The following CSMD1 variants were observed in gnomAD, a reference collection of about 807,000 sequenced individuals.
The protein encoded by CSMD1 is CUB and sushi domain-containing protein 1.
Under a neutral mutation model 417.5 loss-of-function variants are expected in CSMD1, and 213 were observed. The ratio of observed to expected loss-of-function variants is 0.51; its 90% CI spans 0.46 to 0.57. The LOEUF (loss-of-function observed/expected upper bound fraction) is 0.57. Among genes scored for constraint, CSMD1 ranks in the 20% least tolerant of loss-of-function variants. The pLI, the probability that CSMD1 is intolerant of heterozygous loss-of-function variation, is 0.00. For missense variants in CSMD1, 6,923 were observed against 4,529.7 expected, an observed-to-expected ratio of 1.53 and a Z score of -15.17; for synonymous variants, 2,862 against 1,736.8, an observed-to-expected ratio of 1.65 and a Z score of -16.11.
intron 39 of CSMD1, among the ~76,000 whole-genome samples, chr8:3,157,234 G>C (rs898026438): frequency 6.6e-6 from 1 of 152,096 alleles, no homozygotes; most frequent in Non-Finnish European, 1.5e-5. Flanking sequence ...GGGCCTGAAT[G>C]ATGGGGAGCA....
In CSMD1 at chr8:4,159,913, A is replaced by T. The variant is rs1309235181; in HGVS notation, c.416-127814T>A. 2.0e-5 allele frequency among the ~76,000 whole-genome samples: 3 copies of T among 152,086 alleles called. No individual in the cohort carries two copies. In the East Asian group the frequency reaches 5.8e-4, roughly 29 times the overall value. On this transcript the variant is annotated intron_variant, in intron 3 of 69. Transcript: ENST00000635120. ...ATGAGGATGCAAAGGCTTAAGAATG[A>T]TATAAAAAACTTTCGGGCCTTGAGG...
intron 3 of CSMD1, among the ~76,000 whole-genome samples, chr8:4,070,555 C>CA (rs1799496835): frequency 6.6e-6 from 1 of 152,114 alleles, no homozygotes; most frequent in South Asian, 2.1e-4. Flanking sequence ...GACGGGGTTT[C>CA]ACCGTGTTAG....
At chr8:4,691,218 G>C (rs1806748910) in intron 1 of CSMD1, among the ~76,000 whole-genome samples, 1 of 152,156 alleles carries the variant, frequency 6.6e-6, no homozygotes, top group Admixed American at 6.6e-5. Flanking sequence ...CCTAGGGATG[G>C]GCTGGTGAGC....
At chr8:4,980,438 G>C (rs188424214) in intron 1 of CSMD1, among the ~76,000 whole-genome samples, 1 of 152,226 alleles carries the variant, frequency 6.6e-6, no homozygotes, top group South Asian at 2.1e-4. Flanking sequence ...GAAGGAGTTT[G>C]TCAGGCGAGG....
At chr8:4,261,151 G>A (rs754961052) in intron 3 of CSMD1, among the ~76,000 whole-genome samples, 1 of 152,028 alleles carries the variant, frequency 6.6e-6, no homozygotes, top group Non-Finnish European at 1.5e-5. Flanking sequence ...CCCTTCTACT[G>A]GCTTGAAAGT....
intron 2 of CSMD1, among the ~76,000 whole-genome samples, chr8:4,425,691 C>T (rs747619128): frequency 6.6e-6 from 1 of 152,030 alleles, no homozygotes; most frequent in African/African-American, 2.4e-5. Context: ...AAGCAACTGG[C>T]TTATTTTCAA....
chr8:4,956,977 C>G (rs1303998882), intron 1 of CSMD1, among the ~76,000 whole-genome samples: 2 of 152,284 alleles, frequency 1.3e-5, no homozygotes, highest in East Asian at 3.9e-4. Flanking sequence ...TAACCATGCT[C>G]CTGATTCTTG....
chr8:3,371,334 T>TA (rs1317755182), intron 18 of CSMD1, among the ~76,000 whole-genome samples: 1 of 152,158 alleles, frequency 6.6e-6, no homozygotes, highest in Admixed American at 6.5e-5. Context: ...GCCTCACATG[T>TA]AAAATGGGGC....
intron 5 of CSMD1, among the ~76,000 whole-genome samples, chr8:3,864,023 A>C (rs1259503882): frequency 6.6e-6 from 1 of 152,184 alleles, no homozygotes; most frequent in Non-Finnish European, 1.5e-5. Flanking sequence ...AACAGTAAAC[A>C]GGTTTGCAAA....
chr8:3,524,166 C>A lies in CSMD1; in HGVS notation c.1345-30440G>T, dbSNP rs569150142. 9.4e-3 allele frequency among the ~76,000 whole-genome samples: 1,430 copies of A among 151,476 alleles called. 10 individuals carry two copies. The highest frequency in any genetic ancestry group is 0.03 in the South Asian group (145 of 4,786). The stretch of plus-strand genomic sequence containing the variant: ...GCACATATGCATGCACAGCCAGAGA[C>A]GTGCACACACATGCACATACTCACA... On this transcript the variant is annotated intron_variant, in intron 10 of 69. Transcript: ENST00000635120.
chr8:4,673,153 G>C (rs961303390), intron 1 of CSMD1, among the ~76,000 whole-genome samples: 1 of 152,062 alleles, frequency 6.6e-6, no homozygotes, highest in African/African-American at 2.4e-5. Context: ...AGGGGAAAAA[G>C]GGATTCTATG....
Position 3,087,138 on chromosome 8 carries a change from A to T in CSMD1, c.7433T>A (p.Leu2478His). The change falls in exon 49 of 70, where the codon CTT (leucine) becomes CAT (histidine). Residue 2478 changes from leucine to histidine, a missense_variant. Physicochemically the swap from Leu to His is moderately conservative, Grantham distance 99. Transcript: ENST00000635120. The stretch of plus-strand genomic sequence containing the variant: ...GAGGGAGTCCCACTGGTACATGCCA[A>T]GTGGGTTTCGTCTACAGGTTGCATT... ...HSNATCRRNPLGMYQWDSLTP... is the reference protein window; with the variant it reads ...HSNATCRRNPHGMYQWDSLTP... 8 of 1,613,786 alleles carry T rather than the reference A, an allele frequency of 5.0e-6. No individual in the cohort carries two copies. The highest frequency in any genetic ancestry group is 6.8e-6 in the Non-Finnish European group (8 of 1,179,898).
At chr8:3,429,333 A>G (rs1814059821) in intron 12 of CSMD1, among the ~76,000 whole-genome samples, 1 of 152,234 alleles carries the variant, frequency 6.6e-6, no homozygotes, top group Admixed American at 6.5e-5. Context: ...ATAAAATGCA[A>G]AAATTATTTT....
rs1406538152 is a variant in CSMD1, at chr8:4,075,586, T to C, written c.416-43487A>G. 5.3e-5 allele frequency among the ~76,000 whole-genome samples: 8 copies of C among 152,220 alleles called. No homozygotes were observed. The East Asian group carries it at 1.5e-3, about 29-fold the overall frequency. ...AAAATATTAAACGATGATTAATTTATTCCTTGTTCTGCATAGCGGAGTTAA... is the reference window on the plus strand; with the variant it reads ...AAAATATTAAACGATGATTAATTTACTCCTTGTTCTGCATAGCGGAGTTAA... On this transcript the variant is annotated intron_variant, in intron 3 of 69. Transcript: ENST00000635120.
intron 3 of CSMD1, among the ~76,000 whole-genome samples, chr8:4,110,426 A>G (rs1003278123): frequency 3.3e-5 from 5 of 152,150 alleles, no homozygotes; most frequent in East Asian, 1.9e-4. Context: ...CTGGAAATCT[A>G]CATTTTCATT....
chr8:3,290,524 T>C (rs75552468), intron 25 of CSMD1, among the ~76,000 whole-genome samples: 73,837 of 142,862 alleles, frequency 0.52, 21,845 homozygotes, highest in South Asian at 0.63. Context: ...GTAGTTCTCC[T>C]TGAAGAGGTC....
intron 15 of CSMD1, among the ~76,000 whole-genome samples, chr8:3,400,563 T>G (rs1322969623): frequency 6.6e-6 from 1 of 152,030 alleles, no homozygotes; most frequent in Non-Finnish European, 1.5e-5. Flanking sequence ...CAAAAATTTA[T>G]GGAAACTGCA....
chr8:4,089,260 T>A (rs1800589982), intron 3 of CSMD1, among the ~76,000 whole-genome samples: 1 of 152,178 alleles, frequency 6.6e-6, no homozygotes, highest in Non-Finnish European at 1.5e-5. Flanking sequence ...TTCAGCACAT[T>A]TTCTCCAGGA....
intron 17 of CSMD1, among the ~76,000 whole-genome samples, chr8:3,391,357 A>G (rs1811337547): frequency 1.3e-5 from 2 of 152,214 alleles, no homozygotes; most frequent in Admixed American, 6.5e-5. Context: ...TTTTCAAAAA[A>G]TGCTCTAAAA....
Sources: gnomAD v4.1 joint callset for allele counts (sites outside exome capture counted in the v4.1 genomes callset) on GRCh38, gnomAD v4.1.1 for gene constraint, MANE v1.5 for transcripts, NCBI Gene and HGNC (gene_info 2026-07-23, HGNC 2026-07-21) for gene names.